Variants in RAB3B observed in about 807,000 individuals in gnomAD.
RAB3B encodes RAB3B, member RAS oncogene family, also known as ras-related protein Rab-3B.
RAB3B carries 11 observed loss-of-function variants against 20.5 expected under a neutral mutation model. The ratio of observed to expected loss-of-function variants is 0.54; its 90% confidence interval spans 0.34 to 0.89. The LOEUF is 0.89. RAB3B is among the 40% of genes least tolerant of loss of function. The pLI, the probability that RAB3B is intolerant of heterozygous loss-of-function variation, is 0.02. For missense variants in RAB3B, 225 were observed against 280.9 expected (o/e 0.80, Z 1.42); for synonymous variants, 99 against 106.3 (o/e 0.93, Z 0.42).
rs150683256 is a variant in RAB3B at position 51,927,093 on chromosome 1, C to A, written c.472+6225G>T. Among the ~76,000 whole-genome samples the A allele has an allele frequency of 2.4e-3, 359 of 152,282 alleles. 2 individuals are homozygous for A. The highest frequency in any genetic ancestry group is 8.3e-3 in the African/African-American group (346 of 41,554). On this transcript the variant is annotated intron_variant, in intron 4 of 4. Transcript: ENST00000371655. ...TTAGTTATTATCAATGCCAACTAGG[C>A]CTTTCTTTCTCTGCAACCAGACTCA...
chr1:51,984,747 A>AT (rs950033443), intron 1 of RAB3B, among the ~76,000 whole-genome samples: 111 of 152,294 alleles, frequency 7.3e-4, no homozygotes, highest in African/African-American at 2.6e-3. Flanking sequence ...CTTGAGAGAG[A>AT]TTCCTTGAAG....
chr1:51,925,268 T>A (rs1213703664), intron 4 of RAB3B, among the ~76,000 whole-genome samples: 1 of 152,200 alleles, frequency 6.6e-6, no homozygotes, highest in African/African-American at 2.4e-5. Flanking sequence ...TGGTCACTGA[T>A]GATTTGGGCT....
In RAB3B at chr1:51,911,723, G is replaced by A. The variant is rs892038993; in HGVS notation, c.*8204C>T. On this transcript the variant is annotated 3_prime_UTR_variant, in exon 5 of 5. Coordinates refer to ENST00000371655, the MANE Select transcript of RAB3B (RefSeq NM_002867.4). The stretch of plus-strand genomic sequence containing the variant: ...TATAGACCAGAATTTACACAGGGAT[G>A]GAGAATAAGCCATCACAGCTTTAGA... 7 of 152,142 alleles carry A rather than the reference G, an allele frequency of 4.6e-5. No homozygotes were observed. The highest frequency in any genetic ancestry group is 1.7e-4 in the African/African-American group (7 of 41,438). The allele number at this position is 152,142 out of a possible 1,614,324, so 9.4% of individuals were successfully genotyped here. A position where few individuals can be genotyped will look rare whatever the true frequency, so the allele number is the denominator to read the frequency against.
At chr1:51,921,371 T>G (rs2124231498) in intron 4 of RAB3B, among the ~76,000 whole-genome samples, 1 of 152,288 alleles carries the variant, frequency 6.6e-6, no homozygotes, top group East Asian at 1.9e-4. Flanking sequence ...CATCTCCAAT[T>G]TATAAATGAG....
intron 2 of RAB3B, among the ~76,000 whole-genome samples, chr1:51,944,701 T>C (rs1358411153): frequency 6.6e-6 from 1 of 152,216 alleles, no homozygotes; most frequent in Non-Finnish European, 1.5e-5. Flanking sequence ...GACCTGAAGA[T>C]GTGACTGAAT....
Position 51,907,958 on chromosome 1 carries a change from C to G in RAB3B, c.*11969G>C, listed in dbSNP as rs1191078054. 1.3e-5 allele frequency: 2 copies of G among 152,104 alleles called. No homozygotes were observed. Among genetic ancestry groups the G allele is most frequent in the African/African-American group, 4.8e-5 (2 of 41,438 alleles). The allele number at this position is 152,104 out of a possible 1,614,324, so 9.4% of individuals were successfully genotyped here. A position where few individuals can be genotyped will look rare whatever the true frequency, so the allele number is the denominator to read the frequency against. On this transcript the variant is annotated 3_prime_UTR_variant, in exon 5 of 5. Coordinates refer to ENST00000371655, the MANE Select transcript of RAB3B (RefSeq NM_002867.4). ...AAAGAGTCACTCTACAAATGATACA[C>G]AATTCAGAAGAACTTTAATGCATAT...
At chr1:51,925,784 C>T (rs575899216) in intron 4 of RAB3B, among the ~76,000 whole-genome samples, 1 of 152,252 alleles carries the variant, frequency 6.6e-6, no homozygotes, top group South Asian at 2.1e-4. Context: ...AGATTCCAAC[C>T]AGAAAAATGG....
intron 2 of RAB3B, among the ~76,000 whole-genome samples, chr1:51,963,173 T>C (rs1489470624): frequency 6.6e-6 from 1 of 152,234 alleles, no homozygotes; most frequent in Non-Finnish European, 1.5e-5. Context: ...AGTCATATCC[T>C]GGACCTTATC....
chr1:51,949,837 G>A (rs1412607588), intron 2 of RAB3B, among the ~76,000 whole-genome samples: 1 of 152,190 alleles, frequency 6.6e-6, no homozygotes, highest in East Asian at 1.9e-4. Flanking sequence ...CACCAGTGGA[G>A]GGCAGGGGGC....
chr1:51,932,525 A>ATGT (rs1418877403), intron 4 of RAB3B, among the ~76,000 whole-genome samples: 1 of 152,174 alleles, frequency 6.6e-6, no homozygotes, highest in Non-Finnish European at 1.5e-5. Flanking sequence ...GGATCAAAAT[A>ATGT]TGTTAAGCTT....
intron 2 of RAB3B, among the ~76,000 whole-genome samples, chr1:51,945,715 A>G (rs1302241046): frequency 6.6e-6 from 1 of 152,212 alleles, no homozygotes; most frequent in Non-Finnish European, 1.5e-5. Flanking sequence ...GTCTCATGCT[A>G]TATGTGTCAT....
At chr1:51,929,622 AT>A (rs1231950631) in intron 4 of RAB3B, among the ~76,000 whole-genome samples, 1 of 151,886 alleles carries the variant, frequency 6.6e-6, no homozygotes, top group Admixed American at 6.6e-5. Flanking sequence ...AGCCAATTCT[AT>A]TTTTTTTATT....
In RAB3B at chr1:51,910,913, G is replaced by C. The variant is rs1287792337; in HGVS notation, c.*9014C>G. On this transcript the variant is annotated 3_prime_UTR_variant, in exon 5 of 5. Coordinates refer to ENST00000371655, the MANE Select transcript of RAB3B (RefSeq NM_002867.4). ...CTGTCTATTAGCCTTTCTGTGACAT[G>C]ATTTTCTACCAAGCAAAGTCTTTTA... The C allele has an allele frequency of 1.3e-5, 2 of 152,186 alleles. No homozygotes were observed. The highest frequency in any genetic ancestry group is 6.5e-5 in the Admixed American group (1 of 15,274). 9.4% of individuals were successfully genotyped at this position (152,186 alleles called of 1,614,324 possible).
rs1008420420 is a variant in RAB3B, at chr1:51,918,265, T to C, written c.*1662A>G. 6.6e-6 allele frequency: 1 copy of C among 152,218 alleles called. No homozygotes were observed. The highest frequency in any genetic ancestry group is 1.9e-4 in the East Asian group (1 of 5,194). 9.4% of individuals were successfully genotyped at this position (152,218 alleles called of 1,614,324 possible). On this transcript the variant is annotated 3_prime_UTR_variant, in exon 5 of 5. Coordinates refer to ENST00000371655, the MANE Select transcript of RAB3B (RefSeq NM_002867.4). ...AATTTTCTCAATTTTTTCAGAGTCA[T>C]GCCACCTTAAGATTTATTTTGCTTT... is the stretch of plus-strand genomic sequence containing the variant.
chr1:51,988,139 C>T (rs1347539079), intron 1 of RAB3B, among the ~76,000 whole-genome samples: 2 of 152,144 alleles, frequency 1.3e-5, no homozygotes, highest in Non-Finnish European at 2.9e-5. Context: ...CAAAGGTCAA[C>T]TGTATATGCA....
intron 2 of RAB3B, among the ~76,000 whole-genome samples, chr1:51,968,704 C>T (rs914995591): frequency 2.0e-5 from 3 of 152,212 alleles, no homozygotes; most frequent in African/African-American, 7.2e-5. Context: ...TTAATACTCA[C>T]TAGCTTTAAT....
At chr1:51,942,717 T>C (rs1684510681) in intron 2 of RAB3B, among the ~76,000 whole-genome samples, 1 of 152,194 alleles carries the variant, frequency 6.6e-6, no homozygotes, top group Admixed American at 6.5e-5. Context: ...CTTCAACTTA[T>C]TACACTTTGC....
Position 51,918,005 on chromosome 1 carries a change from T to C in RAB3B, c.*1922A>G, listed in dbSNP as rs1274718736. 3 of 152,132 alleles carry C rather than the reference T, an allele frequency of 2.0e-5. No individual in the cohort carries two copies. Among genetic ancestry groups the C allele is most frequent in the African/African-American group, 4.8e-5 (2 of 41,430 alleles). The allele number at this position is 152,132 out of a possible 1,614,324, so 9.4% of individuals were successfully genotyped here. Reference sequence around the variant, plus strand: ...TTCAGGCCATGATAGAGAAGAAAGGTTTTCTGGAATCACTGCCAGTTCCAT... The same window carrying C: ...TTCAGGCCATGATAGAGAAGAAAGGCTTTCTGGAATCACTGCCAGTTCCAT... On this transcript the variant is annotated 3_prime_UTR_variant, in exon 5 of 5. Transcript: ENST00000371655.
intron 2 of RAB3B, among the ~76,000 whole-genome samples, chr1:51,957,930 C>T (rs1684732710): frequency 6.6e-6 from 1 of 152,202 alleles, no homozygotes; most frequent in Admixed American, 6.5e-5. Flanking sequence ...GGCCGGTATC[C>T]TGAGAGGACA....
Sources: allele counts gnomAD v4.1 joint callset (sites outside exome capture counted in the v4.1 genomes callset), GRCh38; gene constraint gnomAD v4.1.1; transcripts MANE v1.5; gene names NCBI Gene and HGNC (gene_info 2026-07-23, HGNC 2026-07-21).